Variants in DGUOK observed in about 807,000 individuals in gnomAD.
DGUOK encodes the protein deoxyguanosine kinase, also known as deoxyguanosine kinase, mitochondrial.
A neutral mutation model predicts 36.6 loss-of-function variants in DGUOK; 30 were observed. The ratio of observed to expected loss-of-function variants is 0.82; its 90% CI spans 0.61 to 1.11. The LOEUF (loss-of-function observed/expected upper bound fraction) is 1.11. DGUOK is among the 50% of genes most tolerant of loss of function. The pLI, the probability that DGUOK is intolerant of heterozygous loss-of-function variation, is 0.00. For missense variants in DGUOK, 361 were observed against 336.4 expected (o/e 1.07, Z -0.57); for synonymous variants, 145 against 126.3 (o/e 1.15, Z -0.99).
intron 1 of DGUOK, among the ~76,000 whole-genome samples, chr2:73,933,982 G>T (rs576563751): frequency 3.9e-5 from 6 of 152,282 alleles, no homozygotes; most frequent in Admixed American, 2.0e-4. Context: ...TTGGATTTTG[G>T]TAAAAGATTT....
intron 4 of DGUOK, among the ~76,000 whole-genome samples, chr2:73,956,443 T>C (rs910154125): frequency 6.6e-6 from 1 of 152,212 alleles, no homozygotes; most frequent in Non-Finnish European, 1.5e-5. Context: ...GTGAAGTATT[T>C]TCAGCAAGGA....
At position 73,944,575 on chromosome 2, in the gene DGUOK, C is replaced by G. The variant is rs557380764; in HGVS notation, c.256-2144C>G. On this transcript the variant is annotated intron_variant, in intron 2 of 6. Transcript: ENST00000264093. ...TCTGAGCACAGAGACTAGTCCTCTC[C>G]TTTTGAATTGCTAAGTATTTTTGTG... 2.6e-5 allele frequency among the ~76,000 whole-genome samples: 4 copies of G among 152,280 alleles called. No homozygotes were observed. In the South Asian group the frequency reaches 8.3e-4, roughly 32 times the overall value.
At chr2:73,949,258 T>C (rs553136928) in intron 3 of DGUOK, among the ~76,000 whole-genome samples, 8 of 152,166 alleles carry the variant, frequency 5.3e-5, no homozygotes, top group Non-Finnish European at 7.4e-5. Flanking sequence ...GGCCACTTTA[T>C]AGGATCTTAA....
In DGUOK at chr2:73,949,198, C is replaced by T. The variant is rs548625596; in HGVS notation, c.444-1387C>T. On this transcript the variant is annotated intron_variant, in intron 3 of 6. Coordinates refer to ENST00000264093, the MANE Select transcript of DGUOK (RefSeq NM_080916.3). ...AACTCCTGGCCTCAGGTGATCCGTC[C>T]GCCTCAGCCTCCAAAAGTGCTGGGA... is the stretch of plus-strand genomic sequence containing the variant. 2.0e-5 allele frequency among the ~76,000 whole-genome samples: 3 copies of T among 152,272 alleles called. No individual in the cohort carries two copies. In the East Asian group the frequency reaches 5.8e-4, roughly 29 times the overall value.
At chr2:73,933,479 G>A (rs560320743) in intron 1 of DGUOK, among the ~76,000 whole-genome samples, 4 of 152,332 alleles carry the variant, frequency 2.6e-5, no homozygotes, top group Admixed American at 2.0e-4. Flanking sequence ...AGGCTTCACA[G>A]AGAAGGTGGC....
intron 1 of DGUOK, among the ~76,000 whole-genome samples, chr2:73,938,303 ATAT>A (rs1681631339): frequency 1.3e-5 from 2 of 152,090 alleles, no homozygotes; most frequent in Non-Finnish European, 2.9e-5. Flanking sequence ...CTCCTGGGCT[ATAT>A]TAGTGCCATC....
intron 5 of DGUOK, chr2:73,957,865 C>T (rs1247091446): frequency 2.6e-6 from 1 of 383,118 alleles, no homozygotes; most frequent in East Asian, 6.3e-5. Flanking sequence ...TTCCTGGTTT[C>T]TGCCTGTCCT....
intron 5 of DGUOK, 126 bp downstream of exon 5, chr2:73,957,366 G>C (rs1683189912): frequency 1.3e-6 from 1 of 768,066 alleles, no homozygotes; most frequent in Admixed American, 2.0e-5. Context: ...GGTTGGAAAT[G>C]TCAAGCATTT....
intron 1 of DGUOK, among the ~76,000 whole-genome samples, chr2:73,929,993 A>AT (rs1362860618): frequency 6.6e-6 from 1 of 152,214 alleles, no homozygotes. Context: ...AAGGAGGAAA[A>AT]TTGGTAAATC....
chr2:73,945,921 G>A (rs1311756725), intron 2 of DGUOK, among the ~76,000 whole-genome samples: 4 of 152,092 alleles, frequency 2.6e-5, no homozygotes, highest in African/African-American at 9.7e-5. Context: ...CACTCAGGAG[G>A]CTGAGGCAGG....
intron 1 of DGUOK, among the ~76,000 whole-genome samples, chr2:73,928,922 G>C (rs1680805271): frequency 6.6e-6 from 1 of 152,194 alleles, no homozygotes; most frequent in Admixed American, 6.5e-5. Flanking sequence ...AAATTTAACA[G>C]TGGAAGTGGT....
At chr2:73,935,002 G>T (rs1019657047) in intron 1 of DGUOK, among the ~76,000 whole-genome samples, 3 of 151,972 alleles carry the variant, frequency 2.0e-5, no homozygotes, top group Non-Finnish European at 2.9e-5. Context: ...CTTGAACCCA[G>T]GAAACAGAGG....
intron 2 of DGUOK, among the ~76,000 whole-genome samples, chr2:73,943,446 G>A (rs1257437852): frequency 1.3e-5 from 2 of 151,848 alleles, no homozygotes; most frequent in African/African-American, 4.8e-5. Context: ...ACAGATGTGA[G>A]CTGTGATGCC....
intron 1 of DGUOK, among the ~76,000 whole-genome samples, chr2:73,937,164 C>T (rs990709314): frequency 4.6e-5 from 7 of 152,158 alleles, no homozygotes; most frequent in Non-Finnish European, 7.3e-5. Context: ...TGGAGTTTGT[C>T]ATGAAGCTTG....
intron 2 of DGUOK, among the ~76,000 whole-genome samples, chr2:73,940,722 A>G (rs562611231): frequency 1.3e-5 from 2 of 152,330 alleles, no homozygotes; most frequent in South Asian, 2.1e-4. Flanking sequence ...TAGATACACA[A>G]ATACTTACCA....
At chr2:73,934,341 C>CG (rs1681286660) in intron 1 of DGUOK, among the ~76,000 whole-genome samples, 1 of 152,092 alleles carries the variant, frequency 6.6e-6, no homozygotes, top group African/African-American at 2.4e-5. Flanking sequence ...TACCTTCCAC[C>CG]TTTTTTTAAG....
Position 73,932,333 on chromosome 2 carries a change from T to C in DGUOK, c.142+5281T>C, listed in dbSNP as rs190505992. 5.3e-5 allele frequency among the ~76,000 whole-genome samples: 8 copies of C among 152,324 alleles called. No individual in the cohort carries two copies. In the East Asian group the frequency reaches 1.5e-3, roughly 29 times the overall value. On this transcript the variant is annotated intron_variant, in intron 1 of 6. Coordinates refer to ENST00000264093, the MANE Select transcript of DGUOK (RefSeq NM_080916.3). ...CCTCCTCTGTGGGCTGACATAACAT[T>C]TTGTACCCACAACTGCTGCAGCACT...
chr2:73,942,586 G>T (rs1387828977), intron 2 of DGUOK, among the ~76,000 whole-genome samples: 1 of 114,194 alleles, frequency 8.8e-6, no homozygotes, highest in African/African-American at 3.1e-5. Context: ...TATCTTATAT[G>T]ATTTAATTTC....
chr2:73,935,215 T>C (rs1037750443), intron 1 of DGUOK, among the ~76,000 whole-genome samples: 2 of 152,190 alleles, frequency 1.3e-5, no homozygotes, highest in Non-Finnish European at 2.9e-5. Context: ...CACTCCAGCC[T>C]GGGTGACAGA....
Sources: gnomAD v4.1 joint callset for allele counts (sites outside exome capture counted in the v4.1 genomes callset) on GRCh38, gnomAD v4.1.1 for gene constraint, MANE v1.5 for transcripts, NCBI Gene and HGNC (gene_info 2026-07-23, HGNC 2026-07-21) for gene names.